ACBD4: variants seen among roughly 807,000 people sequenced by gnomAD.
ACBD4 encodes the protein acyl-CoA-binding domain-containing protein 4.
A neutral mutation model predicts 46.0 loss-of-function variants in ACBD4; 41 were observed. That is an observed-to-expected ratio of 0.89 (90% CI 0.69 to 1.16). The LOEUF (loss-of-function observed/expected upper bound fraction) is 1.16. Among genes scored for constraint, ACBD4 ranks in the 50% most tolerant of loss-of-function variants. The probability of loss-of-function intolerance (pLI) is 0.00; values close to 1 mark genes in which losing one functional copy is unlikely to be tolerated. For missense variants in ACBD4, 393 were observed against 399.5 expected (o/e 0.98, Z 0.14); for synonymous variants, 162 against 155.9 (o/e 1.04, Z -0.29).
Position 45,136,205 on chromosome 17 carries a change from A to C in ACBD4, c.61A>C (p.Ser21Arg), listed in dbSNP as rs762833461. ...CCAGAAACAGTTCCAGGCTGCAGTG[A>C]GCGTCATCCAGAACCTGCCCAAGAA... ...DCQKQFQAAV[S>R]VIQNLPKNGS... The change falls in exon 2 of 10, where the codon AGC becomes CGC. Residue 21 changes from serine (S) to arginine (R), a missense_variant. Physicochemically the swap from Ser to Arg is moderately radical, Grantham distance 110 (BLOSUM62 -1). Coordinates refer to ENST00000321854, the MANE Select transcript of ACBD4 (RefSeq NM_001135705.3). The C allele has an allele frequency of 1.2e-6, 2 of 1,613,502 alleles. No homozygotes were observed. Among genetic ancestry groups the C allele is most frequent in the Non-Finnish European group, 1.7e-6 (2 of 1,179,798 alleles).
intron 8 of ACBD4, among the ~76,000 whole-genome samples, chr17:45,138,804 A>G (rs1178625103): frequency 1.3e-5 from 2 of 151,606 alleles, no homozygotes; most frequent in East Asian, 3.9e-4. Context: ...AAAAAAAAAA[A>G]GGTAATGACT....
rs766110402 is a variant in ACBD4, at chr17:45,143,465, C to T, written c.812C>T (p.Ala271Val). 6.2e-7 allele frequency: 1 copy of T among 1,611,858 alleles called. No homozygotes were observed. Among genetic ancestry groups the T allele is most frequent in the Non-Finnish European group, 8.5e-7 (1 of 1,179,688 alleles). The change falls in exon 10 of 10, where the codon GCT becomes GTT. Residue 271 changes from alanine to valine, a missense_variant. Transcript: ENST00000321854. ...PEQRPQPRPS[A>V]RPWPLGLPGP... ...CAGAGGCCGCAGCCCAGGCCCAGTG[C>T]TCGGCCATGGCCCCTTGGGCTCCCG...
At position 45,143,929 on chromosome 17, in the gene ACBD4, G is replaced by A; in HGVS notation, c.*358G>A. 3.6e-6 allele frequency: 1 copy of A among 281,026 alleles called. No homozygotes were observed. The highest frequency in any genetic ancestry group is 5.6e-5 in the South Asian group (1 of 17,744). The allele number at this position is 281,026 out of a possible 1,614,324, so 17.4% of individuals were successfully genotyped here. ...CCCACCCCTGCTTCTCCCCGAGGAG[G>A]TTGAGCTCTTGAGCAAGTTGGGACT... On this transcript the variant is annotated 3_prime_UTR_variant, in exon 10 of 10. Coordinates refer to ENST00000321854, the MANE Select transcript of ACBD4 (RefSeq NM_001135705.3).
chr17:45,136,336 C>T lies in ACBD4; in HGVS notation c.88+104C>T, dbSNP rs1598069206. On this transcript the variant is annotated intron_variant, in intron 2 of 9. Transcript: ENST00000321854. Reference sequence around the variant, plus strand: ...CACTGCAGTTTTTGCAGACAAGCCCCTGCCTGGGCTGTCCTGGGGGTTCCC... The same window carrying T: ...CACTGCAGTTTTTGCAGACAAGCCCTTGCCTGGGCTGTCCTGGGGGTTCCC... The T allele has an allele frequency of 2.6e-6, 4 of 1,525,488 alleles. No homozygotes were observed. In the East Asian group the frequency reaches 9.0e-5, roughly 34 times the overall value. The allele number at this position is 1,525,488 out of a possible 1,614,324, so 94.5% of individuals were successfully genotyped here.
chr17:45,134,364 C>A (rs1190890841), upstream of ACBD4, among the ~76,000 whole-genome samples: 1 of 152,152 alleles, frequency 6.6e-6, no homozygotes, highest in Non-Finnish European at 1.5e-5. Flanking sequence ...GTAATCCCAG[C>A]ACTTTGGGAG....
At chr17:45,137,339 G>C in intron 5 of ACBD4, 29 bp from the exon 6 acceptor site, 1 of 1,613,576 alleles carries the variant, frequency 6.2e-7, no homozygotes, top group South Asian at 1.1e-5. Context: ...CTCTCCCCAG[G>C]CCCACCTCTG....
chr17:45,132,162 A>C, upstream of ACBD4: 1 of 1,199,392 alleles, frequency 8.3e-7, no homozygotes, highest in Non-Finnish European at 1.0e-6. This position sits in a 1 kb window ranked among gnomAD's most constrained non-coding sequence, Gnocchi z 4.6. Flanking sequence ...AGCCTGGGGA[A>C]TCCACGAACT....
At chr17:45,133,564 CTCCG>C (rs2054595539), upstream of ACBD4, among the ~76,000 whole-genome samples, 2 of 135,832 alleles carry the variant, frequency 1.5e-5, no homozygotes, top group African/African-American at 5.4e-5. Context: ...CGGAGTCTCG[CTCCG>C]TCGCCCAGGC....
rs753481389 is a variant in ACBD4, at chr17:45,143,537, G to A, written c.884G>A (p.Trp295Ter). 1 of 1,614,018 alleles carries A rather than the reference G, an allele frequency of 6.2e-7. No individual in the cohort carries two copies. Among genetic ancestry groups the A allele is most frequent in the South Asian group, 1.1e-5 (1 of 91,078 alleles). Residue 295 changes from tryptophan to a stop codon, truncating the protein, a stop_gained, in exon 10 of 10, where the codon TGG (tryptophan) becomes TAG (stop). Transcript: ENST00000321854. LOFTEE classifies it high-confidence loss of function. ...FFLLWPFVVQ[W>*]LFRMFRTQKR The stretch of plus-strand genomic sequence containing the variant: ...CTCCTGTGGCCCTTCGTCGTCCAGT[G>A]GCTCTTCCGAATGTTTCGGACCCAA...
chr17:45,141,169 C>G (rs1201713812), intron 9 of ACBD4, among the ~76,000 whole-genome samples: 1 of 152,224 alleles, frequency 6.6e-6, no homozygotes, highest in African/African-American at 2.4e-5. Context: ...CCTTTTCCAG[C>G]TGCTCTGTTT....
chr17:45,137,072 C>G lies in ACBD4; in HGVS notation c.348C>G (p.Phe116Leu). ...TGGCAGAGGACATGTTTGGTTACTTCGAGCCCCTGTACCAGGTGATCCCTG... is the reference window on the plus strand; with the variant it reads ...TGGCAGAGGACATGTTTGGTTACTTGGAGCCCCTGTACCAGGTGATCCCTG... ...GEVAEDMFGY[F>L]EPLYQVIPDM... The change falls in exon 5 of 10, where the codon TTC (phenylalanine) becomes TTG (leucine). Residue 116 changes from phenylalanine (F) to leucine (L), a missense_variant. Around this residue, in one of 3 missense-constraint regions of ACBD4, gnomAD observed 308 missense variants for 301.8 expected, o/e 1.02. Transcript: ENST00000321854. 1.2e-6 allele frequency: 2 copies of G among 1,614,086 alleles called. No homozygotes were observed. The highest frequency in any genetic ancestry group is 4.5e-5 in the East Asian group (2 of 44,880).
At chr17:45,136,403 T>G in intron 2 of ACBD4, 97 bp from the exon 3 acceptor site, 1 of 1,470,408 alleles carries the variant, frequency 6.8e-7, no homozygotes, top group Non-Finnish European at 9.3e-7. Flanking sequence ...GTGGGACCCA[T>G]CACCACCTCT....
Position 45,135,969 on chromosome 17 carries a change from T to G in ACBD4, c.-38+16T>G, listed in dbSNP as rs2054795168. On this transcript the variant is annotated intron_variant, in intron 1 of 9. Coordinates refer to ENST00000321854, the MANE Select transcript of ACBD4 (RefSeq NM_001135705.3). ...CTGCCTTGAGGTAGGAAAAGGAGGCTCCTCAACCACAACTTCTGACCTCCC... is the reference window on the plus strand; with the variant it reads ...CTGCCTTGAGGTAGGAAAAGGAGGCGCCTCAACCACAACTTCTGACCTCCC... 1.6e-6 allele frequency: 1 copy of G among 625,236 alleles called. No individual in the cohort carries two copies. The highest frequency in any genetic ancestry group is 2.8e-5 in the East Asian group (1 of 35,554). 38.7% of individuals were successfully genotyped at this position (625,236 alleles called of 1,614,324 possible). A position where few individuals can be genotyped will look rare whatever the true frequency, so the allele number is the denominator to read the frequency against.
In ACBD4 at chr17:45,136,712, G is replaced by T. The variant is rs762347728; in HGVS notation, c.230G>T (p.Gly77Val). 75 of 1,613,942 alleles carry T rather than the reference G, an allele frequency of 4.6e-5. No homozygotes were observed. The highest frequency in any genetic ancestry group is 1.7e-4 in the Middle Eastern group (1 of 5,980). ...CCCAGGGACGCCTGGAACAGTCTGG[G>T]CAAGATGAGCAGGGAGGAGGCCATG... Reference protein sequence around the residue: ...RYKWDAWNSLGKMSREEAMSA... With the variant: ...RYKWDAWNSLVKMSREEAMSA... Residue 77 changes from glycine to valine, a missense_variant, in exon 4 of 10, where the codon GGC (glycine) becomes GTC (valine). Coordinates refer to ENST00000321854, the MANE Select transcript of ACBD4 (RefSeq NM_001135705.3).
intron 6 of ACBD4, 31 bp downstream of exon 6, chr17:45,137,485 A>T: frequency 1.2e-6 from 2 of 1,601,394 alleles, no homozygotes; most frequent in Non-Finnish European, 1.7e-6. Context: ...GGTGGACCAA[A>T]CTCAGGCTGG....
upstream of ACBD4, among the ~76,000 whole-genome samples, chr17:45,131,606 G>A (rs1485819618): frequency 6.6e-6 from 1 of 152,240 alleles, no homozygotes; most frequent in Admixed American, 6.5e-5. Context: ...GGAAGTCGAG[G>A]AAGATTGCAA....
At position 45,138,961 on chromosome 17, in the gene ACBD4, A is replaced by C. The variant is rs968700185; in HGVS notation, c.650-60A>C. 6.9e-6 allele frequency: 11 copies of C among 1,590,918 alleles called. No homozygotes were observed. The African/African-American group carries it at 1.3e-4, about 19-fold the overall frequency. Reference sequence around the variant, plus strand: ...CCTGGGCTTGCCCCAGCCTGCCCCCACCCTGCCCAGAGCTGAATTGCCTCC... The same window carrying C: ...CCTGGGCTTGCCCCAGCCTGCCCCCCCCCTGCCCAGAGCTGAATTGCCTCC... On this transcript the variant is annotated intron_variant, in intron 8 of 9. Transcript: ENST00000321854.
Position 45,136,728 on chromosome 17 carries a change from G to T in ACBD4, c.246G>T (p.Glu82Asp). Residue 82 changes from glutamate to aspartate, a missense_variant, in exon 4 of 10, where the codon GAG (glutamate) becomes GAT (aspartate). Glu to Asp is a conservative substitution (Grantham distance 45, BLOSUM62 2). This residue lies in a region of ACBD4 where 308 missense variants were observed against 301.8 expected (regional missense o/e 1.02). Transcript: ENST00000321854. Reference protein sequence around the residue: ...AWNSLGKMSREEAMSAYITEM... With the variant: ...AWNSLGKMSRDEAMSAYITEM... The stretch of plus-strand genomic sequence containing the variant: ...ACAGTCTGGGCAAGATGAGCAGGGA[G>T]GAGGCCATGTCTGCCTACATCACTG... 1 of 1,613,984 alleles carries T rather than the reference G, an allele frequency of 6.2e-7. No homozygotes were observed. Among genetic ancestry groups the T allele is most frequent in the African/African-American group, 1.3e-5 (1 of 75,062 alleles).
At position 45,136,217 on chromosome 17, in the gene ACBD4, A is replaced by C; in HGVS notation, c.73A>C (p.Asn25His). 6.2e-7 allele frequency: 1 copy of C among 1,613,498 alleles called. No individual in the cohort carries two copies. The highest frequency in any genetic ancestry group is 2.2e-5 in the East Asian group (1 of 44,842). ...CCAGGCTGCAGTGAGCGTCATCCAG[A>C]ACCTGCCCAAGAACGGTGAGGCTGC... Reference protein sequence around the residue: ...QFQAAVSVIQNLPKNGSYRPS... With the variant: ...QFQAAVSVIQHLPKNGSYRPS... Residue 25 changes from asparagine (N) to histidine (H), a missense_variant, in exon 2 of 10, where the codon AAC becomes CAC. Physicochemically the swap from Asn to His is moderately conservative, Grantham distance 68. Coordinates refer to ENST00000321854, the MANE Select transcript of ACBD4 (RefSeq NM_001135705.3).
Sources: gnomAD v4.1 joint callset for allele counts (sites outside exome capture counted in the v4.1 genomes callset) on GRCh38, gnomAD v4.1.1 for gene constraint, gnomAD v4.1.1 regional missense constraint, Gnocchi (gnomAD v3.1) non-coding constraint, MANE v1.5 for transcripts, NCBI Gene and HGNC (gene_info 2026-07-23, HGNC 2026-07-21) for gene names.